The following CHD2 variants were observed in gnomAD, a reference collection of about 807,000 sequenced individuals.
The protein encoded by CHD2 is ATP-dependent chromatin remodeler CHD2.
CHD2 carries 28 observed loss-of-function variants against 243.9 expected under a neutral mutation model. The observed-to-expected ratio is 0.11, with a 90% CI of 0.09 to 0.16. The LOEUF is 0.16. Among genes scored for constraint, CHD2 ranks in the 10% least tolerant of loss-of-function variants. CHD2 has a pLI of 1.00. For missense variants in CHD2, 1,386 were observed against 2,209.8 expected, an observed-to-expected ratio of 0.63 and a Z score of 7.47; for synonymous variants, 775 against 779.0, an observed-to-expected ratio of 0.99 and a Z score of 0.09.
Position 92,900,438 on chromosome 15 carries a change from C to G in CHD2, c.-458C>G. 2.5e-6 allele frequency: 1 copy of G among 395,142 alleles called. No individual in the cohort carries two copies. Among genetic ancestry groups the G allele is most frequent in the Non-Finnish European group, 4.5e-6 (1 of 223,962 alleles). 24.5% of individuals were successfully genotyped at this position (395,142 alleles called of 1,614,324 possible). On this transcript the variant is annotated 5_prime_UTR_variant, in exon 1 of 39. Transcript: ENST00000394196. ...CTAACTTTCGGGCAGCCTCAGGGGGCCCCCGTAGCCCCCTGCCTTTCCTAG... is the reference window on the plus strand; with the variant it reads ...CTAACTTTCGGGCAGCCTCAGGGGGGCCCCGTAGCCCCCTGCCTTTCCTAG...
intron 2 of CHD2, among the ~76,000 whole-genome samples, chr15:92,909,051 G>A (rs1346168511): frequency 2.7e-5 from 4 of 148,484 alleles, no homozygotes; most frequent in African/African-American, 7.3e-5. Context: ...GCTGGGAGGC[G>A]GAGGTTGCAG....
Position 92,945,827 on chromosome 15 carries a change from A to C in CHD2, c.1160A>C (p.Lys387Thr). ...TTATTTTTTATTTGTTTAGCTGTGAAGACAAGTAAATCTACATTGGGTCAA... is the reference window on the plus strand; with the variant it reads ...TTATTTTTTATTTGTTTAGCTGTGACGACAAGTAAATCTACATTGGGTCAA... ...YQIVERVIAV[K>T]TSKSTLGQTD... The change falls in exon 11 of 39, where the codon AAG (lysine) becomes ACG (threonine). Residue 387 changes from lysine to threonine, a missense_variant. Around this residue, in one of 19 missense-constraint regions of CHD2, gnomAD observed 200 missense variants for 292.5 expected, o/e 0.68. Transcript: ENST00000394196. 6.4e-7 allele frequency: 1 copy of C among 1,571,234 alleles called. No individual in the cohort carries two copies. The highest frequency in any genetic ancestry group is 8.6e-7 in the Non-Finnish European group (1 of 1,156,454).
rs541430700 is a variant in CHD2, at chr15:92,932,996, G to A, written c.443+3905G>A. Reference sequence around the variant, plus strand: ...GACCTCAGGTGATCCACCCGCCTCAGCCTCCCTAAGTGCTGGGCTTATAAG... The same window carrying A: ...GACCTCAGGTGATCCACCCGCCTCAACCTCCCTAAGTGCTGGGCTTATAAG... On this transcript the variant is annotated intron_variant, in intron 5 of 38. Transcript: ENST00000394196. 2.0e-5 allele frequency among the ~76,000 whole-genome samples: 3 copies of A among 151,008 alleles called. No individual in the cohort carries two copies. In the East Asian group the frequency reaches 5.9e-4, roughly 30 times the overall value.
chr15:92,988,893 G>C (rs1293967669), intron 26 of CHD2, among the ~76,000 whole-genome samples: 2 of 151,636 alleles, frequency 1.3e-5, no homozygotes, highest in African/African-American at 4.8e-5. Context: ...TCTCTAGGCA[G>C]ACTTTTTTTA....
At chr15:93,019,758 AC>A (rs1238467059) in intron 37 of CHD2, among the ~76,000 whole-genome samples, 8 of 152,250 alleles carry the variant, frequency 5.3e-5, no homozygotes, top group African/African-American at 1.9e-4. Flanking sequence ...ACATGGTGAA[AC>A]CCTGTCTCTA....
chr15:92,920,754 T>C (rs1057377722), intron 2 of CHD2, among the ~76,000 whole-genome samples: 1 of 152,206 alleles, frequency 6.6e-6, no homozygotes, highest in Non-Finnish European at 1.5e-5. Flanking sequence ...TTAAACATTA[T>C]AGTAGTTGAA....
chr15:92,951,536 C>A (rs1270526620), intron 13 of CHD2, among the ~76,000 whole-genome samples: 4 of 152,134 alleles, frequency 2.6e-5, no homozygotes, highest in Non-Finnish European at 5.9e-5. Context: ...ACCTGTTAAG[C>A]CCTGGTCACA....
chr15:92,925,610 A>T (rs958061271), intron 3 of CHD2, among the ~76,000 whole-genome samples: 24 of 152,220 alleles, frequency 1.6e-4, no homozygotes, highest in African/African-American at 4.6e-4. Flanking sequence ...GCAGAGGGCC[A>T]GGTGTGGGCA....
intron 16 of CHD2, among the ~76,000 whole-genome samples, chr15:92,958,310 G>T (rs938215418): frequency 6.6e-6 from 1 of 152,202 alleles, no homozygotes; most frequent in Non-Finnish European, 1.5e-5. Flanking sequence ...TGGCGAATGT[G>T]TGTCATTGTG....
At position 93,024,566 on chromosome 15, in the gene CHD2, C is replaced by T. The variant is rs1485233200; in HGVS notation, c.5348C>T (p.Ala1783Val). The T allele has an allele frequency of 1.9e-6, 3 of 1,614,124 alleles. No homozygotes were observed. Among genetic ancestry groups the T allele is most frequent in the South Asian group, 1.1e-5 (1 of 91,086 alleles). ...YKQPLPPLHP[A>V]VSDPRSPPSQ... ...CAGCCTCTACCCCCATTGCACCCTG[C>T]AGTCTCAGATCCTCGCTCACCCCCT... is the stretch of plus-strand genomic sequence containing the variant. The change falls in exon 39 of 39, where the codon GCA (alanine) becomes GTA (valine). Residue 1783 changes from alanine (A) to valine (V), a missense_variant. Physicochemically the swap from Ala to Val is moderately conservative, Grantham distance 64 (BLOSUM62 0). Transcript: ENST00000394196.
intron 2 of CHD2, among the ~76,000 whole-genome samples, chr15:92,904,235 T>C (rs551849098): frequency 1.1e-4 from 17 of 152,310 alleles, no homozygotes; most frequent in South Asian, 1.0e-3. Flanking sequence ...ACAGACATAC[T>C]GCATTGCACT....
At chr15:92,925,994 C>G (rs1244476412) in intron 3 of CHD2, among the ~76,000 whole-genome samples, 1 of 152,144 alleles carries the variant, frequency 6.6e-6, no homozygotes, top group African/African-American at 2.4e-5. Context: ...AAAGATGAGA[C>G]AGGGTCTTGC....
At chr15:92,902,802 G>A (rs535554616) in intron 2 of CHD2, 1 of 152,288 alleles carries the variant, frequency 6.6e-6, no homozygotes, top group South Asian at 2.1e-4. Context: ...TTGCTCCCTT[G>A]AGTGTATCAT....
chr15:93,023,353 C>T (rs1010872091), intron 38 of CHD2, among the ~76,000 whole-genome samples: 2 of 152,206 alleles, frequency 1.3e-5, no homozygotes, highest in Non-Finnish European at 2.9e-5. Flanking sequence ...CTCATTCCAT[C>T]CTTATGGCTG....
chr15:92,923,805 C>A (rs1033367679), intron 2 of CHD2, among the ~76,000 whole-genome samples: 1 of 152,106 alleles, frequency 6.6e-6, no homozygotes, highest in Admixed American at 6.5e-5. Flanking sequence ...ACCTCGTGAT[C>A]CGCCCGCCTC....
In CHD2 at chr15:92,955,472, A is replaced by G. The variant is rs373555806; in HGVS notation, c.1769A>G (p.Asn590Ser). The G allele has an allele frequency of 1.4e-5, 22 of 1,599,416 alleles. No individual in the cohort carries two copies. The highest frequency in any genetic ancestry group is 5.3e-5 in the Admixed American group (3 of 56,718). ...TCCCAAACCAAAAGATTGAAGTTCA[A>G]CGCACTTATAACAACATATGAGATC... The part of the protein sequence containing the change: ...IHSQTKRLKF[N>S]ALITTYEILL... Residue 590 changes from asparagine to serine, a missense_variant, in exon 15 of 39, where the codon AAC (asparagine) becomes AGC (serine). By Grantham distance (46) the Asn-to-Ser change is conservative. Coordinates refer to ENST00000394196, the MANE Select transcript of CHD2 (RefSeq NM_001271.4).
intron 2 of CHD2, among the ~76,000 whole-genome samples, chr15:92,903,028 T>C (rs1326054538): frequency 6.6e-6 from 1 of 152,224 alleles, no homozygotes; most frequent in Non-Finnish European, 1.5e-5. Context: ...GACTGTACTT[T>C]TAAATTGGTT....
chr15:92,937,575 G>C lies in CHD2; in HGVS notation c.501G>C (p.Glu167Asp). The C allele has an allele frequency of 1.2e-6, 2 of 1,613,780 alleles. No individual in the cohort carries two copies. The highest frequency in any genetic ancestry group is 1.7e-6 in the Non-Finnish European group (2 of 1,179,834). Residue 167 changes from glutamate to aspartate, a missense_variant, in exon 6 of 39, where the codon GAG (glutamate) becomes GAC (aspartate). Physicochemically the swap from Glu to Asp is conservative, Grantham distance 45. Coordinates refer to ENST00000394196, the MANE Select transcript of CHD2 (RefSeq NM_001271.4). ...AACAGGAACAAGGCACCAGTGCAGAGAGTGAGCCAGAACAAAAAAAAGTAA... is the reference window on the plus strand; with the variant it reads ...AACAGGAACAAGGCACCAGTGCAGACAGTGAGCCAGAACAAAAAAAAGTAA... ...EDEQEQGTSA[E>D]SEPEQKKVKA...
intron 28 of CHD2, among the ~76,000 whole-genome samples, chr15:92,993,472 A>G (rs1175694758): frequency 1.3e-5 from 2 of 152,254 alleles, no homozygotes; most frequent in Non-Finnish European, 2.9e-5. Context: ...TGAGATTTTC[A>G]TGCCACTAGA....
Sources: gnomAD v4.1 joint callset for allele counts (sites outside exome capture counted in the v4.1 genomes callset) on GRCh38, gnomAD v4.1.1 for gene constraint, gnomAD v4.1.1 regional missense constraint, MANE v1.5 for transcripts, NCBI Gene and HGNC (gene_info 2026-07-23, HGNC 2026-07-21) for gene names.